ARMH4: variants seen among roughly 807,000 people sequenced by gnomAD.
The protein encoded by ARMH4 is armadillo like helical domain containing 4.
ARMH4 carries 49 observed loss-of-function variants against 61.9 expected under a neutral mutation model. That is an observed-to-expected ratio of 0.79 (90% CI 0.63 to 1.00). The LOEUF is 1.00. Among genes scored for constraint, ARMH4 ranks in the 50% least tolerant of loss-of-function variants. The pLI is 0.00. For synonymous variants in ARMH4, 368 were observed against 341.5 expected, an observed-to-expected ratio of 1.08 and a Z score of -0.85; for missense variants, 934 against 930.0, an observed-to-expected ratio of 1.00 and a Z score of -0.06.
intron 3 of ARMH4, among the ~76,000 whole-genome samples, chr14:58,131,933 T>A (rs1247384480): frequency 1.3e-5 from 2 of 152,310 alleles, no homozygotes; most frequent in East Asian, 3.9e-4. Flanking sequence ...TACAGGAAAA[T>A]GTATTATCTC....
At chr14:58,100,576 A>G (rs1885935932) in intron 4 of ARMH4, among the ~76,000 whole-genome samples, 1 of 152,230 alleles carries the variant, frequency 6.6e-6, no homozygotes, top group Non-Finnish European at 1.5e-5. Context: ...AGAGAAGTTG[A>G]AAAAGAGGCT....
At chr14:58,038,585 T>A (rs1290885416) in intron 5 of ARMH4, among the ~76,000 whole-genome samples, 1 of 151,860 alleles carries the variant, frequency 6.6e-6, no homozygotes, top group Non-Finnish European at 1.5e-5. Context: ...AAGAAATACT[T>A]AAATTCCATT....
intron 5 of ARMH4, among the ~76,000 whole-genome samples, chr14:58,066,044 G>A (rs1004015577): frequency 5.9e-5 from 9 of 152,322 alleles, no homozygotes; most frequent in Non-Finnish European, 1.2e-4. Context: ...CTGACGTGGG[G>A]GACCTAGCTA....
chr14:58,080,979 G>A (rs1566571128), intron 5 of ARMH4, among the ~76,000 whole-genome samples: 1 of 151,938 alleles, frequency 6.6e-6, no homozygotes, highest in African/African-American at 2.4e-5. Context: ...GTGCACACCT[G>A]TAATCCCAGC....
At chr14:58,108,032 C>T (rs1886224902) in intron 4 of ARMH4, among the ~76,000 whole-genome samples, 1 of 152,082 alleles carries the variant, frequency 6.6e-6, no homozygotes, top group African/African-American at 2.4e-5. Flanking sequence ...CTAGAAATGA[C>T]ACTGCTTTTA....
rs962880127 is a variant in ARMH4, at chr14:58,002,993, A to G, written c.*1743T>C. The G allele has an allele frequency of 2.6e-5, 4 of 152,206 alleles. No homozygotes were observed. Among genetic ancestry groups the G allele is most frequent in the Non-Finnish European group, 5.9e-5 (4 of 68,040 alleles). The allele number at this position is 152,206 out of a possible 1,614,324, so 9.4% of individuals were successfully genotyped here. On this transcript the variant is annotated 3_prime_UTR_variant, in exon 8 of 8. Coordinates refer to ENST00000267485, the MANE Select transcript of ARMH4 (RefSeq NM_001001872.4). ...TCAAAAACGGATTCTAGGAAGGTTTATTAGTTCCATAGAGGTGATACTCAA... is the reference window on the plus strand; with the variant it reads ...TCAAAAACGGATTCTAGGAAGGTTTGTTAGTTCCATAGAGGTGATACTCAA...
At chr14:58,032,557 G>T (rs1263836270) in intron 5 of ARMH4, among the ~76,000 whole-genome samples, 1 of 152,172 alleles carries the variant, frequency 6.6e-6, no homozygotes, top group Non-Finnish European at 1.5e-5. Context: ...AGCCAAGATG[G>T]CCGAATAGGA....
rs756637157 is a variant in ARMH4, at chr14:58,138,043, G to A, written c.1316C>T (p.Ser439Phe). The change falls in exon 2 of 8, where the codon TCT becomes TTT. Residue 439 changes from serine to phenylalanine, a missense_variant. Coordinates refer to ENST00000267485, the MANE Select transcript of ARMH4 (RefSeq NM_001001872.4). ...TGCCTCAGACTCATATACAGAGACA[G>A]AAACAGTGGTTTCTAAGAAAAACAG... ...DALFFLETTV[S>F]VSVYESEADQ... 2 of 1,614,166 alleles carry A rather than the reference G, an allele frequency of 1.2e-6. No individual in the cohort carries two copies. The highest frequency in any genetic ancestry group is 1.1e-5 in the South Asian group (1 of 91,086).
At position 58,132,581 on chromosome 14, in the gene ARMH4, C is replaced by CTTTTTT. The variant is rs71448942; in HGVS notation, c.1621+503_1621+508dup. On this transcript the variant is annotated intron_variant, in intron 3 of 7. Coordinates refer to ENST00000267485, the MANE Select transcript of ARMH4 (RefSeq NM_001001872.4). Reference sequence around the variant, plus strand: ...TTACTTACAAACTAAACCCTTGTCCCTTTTTTTTTTTTTTTTTTTTTTTGG... The same window carrying CTTTTTT: ...TTACTTACAAACTAAACCCTTGTCCCTTTTTTTTTTTTTTTTTTTTTTTTTTTTTGG... 5.0e-3 allele frequency among the ~76,000 whole-genome samples: 431 copies of CTTTTTT among 86,062 alleles called. 27 individuals are homozygous for CTTTTTT. The highest frequency in any genetic ancestry group is 6.8e-3 in the Non-Finnish European group (296 of 43,248). The allele number at this position is 86,062 out of a possible 152,430, so 56.5% of individuals were successfully genotyped here. A position where few individuals can be genotyped will look rare whatever the true frequency, so the allele number is the denominator to read the frequency against.
chr14:58,102,501 A>G (rs1244149644), intron 4 of ARMH4, among the ~76,000 whole-genome samples: 2 of 152,202 alleles, frequency 1.3e-5, no homozygotes, highest in Non-Finnish European at 2.9e-5. Flanking sequence ...CCTTAAGTAC[A>G]ACGACAAAAA....
chr14:58,132,465 C>CG (rs1251080353), intron 3 of ARMH4, among the ~76,000 whole-genome samples: 2 of 152,108 alleles, frequency 1.3e-5, no homozygotes, highest in Non-Finnish European at 2.9e-5. Flanking sequence ...ACCTCATCCC[C>CG]CCCGGCTCCT....
chr14:58,151,913 A>G (rs1342095065), intron 1 of ARMH4, among the ~76,000 whole-genome samples, 162 bp downstream of exon 1: 1 of 152,090 alleles, frequency 6.6e-6, no homozygotes, highest in Non-Finnish European at 1.5e-5. Context: ...GCTCCGGAGG[A>G]GGATCGGGGC....
intron 1 of ARMH4, among the ~76,000 whole-genome samples, chr14:58,150,299 A>T (rs1214856405): frequency 1.3e-5 from 2 of 152,222 alleles, no homozygotes; most frequent in Non-Finnish European, 2.9e-5. Flanking sequence ...ATGAGTTTTC[A>T]TTTTACAAAA....
intron 4 of ARMH4, 99 bp downstream of exon 4, chr14:58,131,413 G>T: frequency 2.1e-6 from 2 of 958,048 alleles, no homozygotes; most frequent in Middle Eastern, 2.9e-4. Flanking sequence ...GATCTATACT[G>T]CAGATTGAAT....
chr14:58,029,932 A>G (rs1883166845), intron 5 of ARMH4, among the ~76,000 whole-genome samples: 1 of 151,826 alleles, frequency 6.6e-6, no homozygotes, highest in Non-Finnish European at 1.5e-5. Context: ...TACCCACAGC[A>G]GCCAAAAGGA....
At chr14:58,095,601 G>T (rs1265868187) in intron 5 of ARMH4, among the ~76,000 whole-genome samples, 1 of 151,968 alleles carries the variant, frequency 6.6e-6, no homozygotes, top group Non-Finnish European at 1.5e-5. Context: ...TGCTGAATTT[G>T]GCCAGAAAGT....
Position 58,133,152 on chromosome 14 carries a change from A to C in ARMH4, c.1559T>G (p.Leu520Arg). 1 of 1,614,204 alleles carries C rather than the reference A, an allele frequency of 6.2e-7. No individual in the cohort carries two copies. Among genetic ancestry groups the C allele is most frequent in the Non-Finnish European group, 8.5e-7 (1 of 1,180,034 alleles). Reference sequence around the variant, plus strand: ...GACTGTAGTTGAAATTGTAGTGGCCAGAGGCTCCCATCTTCTTGACAGCTG... The same window carrying C: ...GACTGTAGTTGAAATTGTAGTGGCCCGAGGCTCCCATCTTCTTGACAGCTG... ...VTQLSRRWEP[L>R]ATTISTTVVP... Residue 520 changes from leucine (L) to arginine (R), a missense_variant, in exon 3 of 8, where the codon CTG becomes CGG. Transcript: ENST00000267485.
At chr14:58,114,708 G>C (rs1158880368) in intron 4 of ARMH4, among the ~76,000 whole-genome samples, 2 of 151,528 alleles carry the variant, frequency 1.3e-5, no homozygotes, top group Admixed American at 1.3e-4. Flanking sequence ...CTGTAATCTG[G>C]GTATATTTTA....
chr14:58,049,665 A>G (rs1236103333), intron 5 of ARMH4, among the ~76,000 whole-genome samples: 2 of 152,126 alleles, frequency 1.3e-5, no homozygotes, highest in Non-Finnish European at 2.9e-5. Context: ...AATATAAGAC[A>G]AGTGGTTAAG....
Sources: allele counts gnomAD v4.1 joint callset (sites outside exome capture counted in the v4.1 genomes callset), GRCh38; gene constraint gnomAD v4.1.1; transcripts MANE v1.5; gene names NCBI Gene and HGNC (gene_info 2026-07-23, HGNC 2026-07-21).